Variants in FRMD6 observed in about 807,000 individuals in gnomAD.
The protein encoded by FRMD6 is FERM domain-containing protein 6.
Under a neutral mutation model 73.2 loss-of-function variants are expected in FRMD6, and 37 were observed. That is an observed-to-expected ratio of 0.51 (90% CI 0.39 to 0.66). The LOEUF (loss-of-function observed/expected upper bound fraction) is 0.66, where lower values mean the gene tolerates loss of function less well. Ranked by LOEUF, FRMD6 falls within the 30% of genes least tolerant of loss-of-function variation. The pLI is 0.00. For synonymous variants in FRMD6, 273 were observed against 282.2 expected, an observed-to-expected ratio of 0.97 and a Z score of 0.33; for missense variants, 714 against 780.5, an observed-to-expected ratio of 0.91 and a Z score of 1.02.
intron 2 of FRMD6, chr14:51,576,331 G>C (rs1321837203): frequency 6.6e-6 from 1 of 152,188 alleles, no homozygotes; most frequent in Non-Finnish European, 1.5e-5. Flanking sequence ...CAGGCCAGGG[G>C]ATCTGATGGG....
At chr14:51,635,343 T>TA (rs1271886306) in intron 2 of FRMD6, among the ~76,000 whole-genome samples, 21 of 152,212 alleles carry the variant, frequency 1.4e-4, no homozygotes, top group Admixed American at 6.5e-4. Flanking sequence ...TGCAGTAAGC[T>TA]ATGATTGTGG....
chr14:51,708,172 A>T lies in FRMD6; in HGVS notation c.653A>T (p.Lys218Ile). ...FALTASEAHL[K>I]YIKEAVRLDD... ...CTAACAGCTTCCGAAGCTCATCTTA[A>T]ATATATCAAAGAGGCTGTCCGACTG... The change falls in exon 7 of 14, where the codon AAA (lysine) becomes ATA (isoleucine). Residue 218 changes from lysine (K) to isoleucine (I), a missense_variant. Transcript: ENST00000344768. 3.7e-6 allele frequency: 6 copies of T among 1,613,294 alleles called. No homozygotes were observed. Among genetic ancestry groups the T allele is most frequent in the Non-Finnish European group, 5.1e-6 (6 of 1,179,492 alleles).
chr14:51,441,518 T>C, the FRMD6 span, among the ~76,000 whole-genome samples: 1 of 152,222 alleles, frequency 6.6e-6, no homozygotes, highest in African/African-American at 2.4e-5. Context: ...TCCATTCTTT[T>C]AAACTTTTAT....
At chr14:51,440,350 A>G in the FRMD6 span, among the ~76,000 whole-genome samples, 1 of 152,344 alleles carries the variant, frequency 6.6e-6, no homozygotes, top group East Asian at 1.9e-4. Context: ...TCAAATTTTC[A>G]ATGATCCAGA....
intron 1 of FRMD6, 79 bp from the exon 2 acceptor site, chr14:51,689,612 G>A (rs1895402377): frequency 3.7e-6 from 2 of 545,884 alleles, no homozygotes; most frequent in African/African-American, 3.8e-5. Flanking sequence ...TAGTAGTGGT[G>A]CTGTGCTTAT....
At chr14:51,573,250 G>A (rs141045908) in intron 2 of FRMD6, among the ~76,000 whole-genome samples, 10 of 152,146 alleles carry the variant, frequency 6.6e-5, no homozygotes, top group African/African-American at 2.2e-4. Flanking sequence ...GCCCTTGCTG[G>A]GTCCCATAAC....
chr14:51,664,000 A>G (rs1038074195), intron 1 of FRMD6, among the ~76,000 whole-genome samples: 1 of 152,206 alleles, frequency 6.6e-6, no homozygotes, highest in Non-Finnish European at 1.5e-5. Flanking sequence ...TCCCAATGCT[A>G]TTGCATCGGG....
the FRMD6 span, among the ~76,000 whole-genome samples, chr14:51,400,054 G>T: frequency 6.6e-6 from 1 of 151,900 alleles, no homozygotes; most frequent in African/African-American, 2.4e-5. Context: ...ATACATTGTG[G>T]AATGATCAAA....
chr14:51,449,218 G>C, the FRMD6 span, among the ~76,000 whole-genome samples: 917 of 152,276 alleles, frequency 6.0e-3, 4 homozygotes, highest in African/African-American at 0.021. Flanking sequence ...GAGTGTTTTT[G>C]GCAAGAGGGA....
chr14:51,447,476 T>A, the FRMD6 span, among the ~76,000 whole-genome samples: 1 of 152,168 alleles, frequency 6.6e-6, no homozygotes, highest in South Asian at 2.1e-4. Flanking sequence ...GGCATTCTAT[T>A]GCCTGAACAT....
At chr14:51,451,646 G>A in the FRMD6 span, among the ~76,000 whole-genome samples, 1 of 152,192 alleles carries the variant, frequency 6.6e-6, no homozygotes, top group African/African-American at 2.4e-5. Flanking sequence ...CTCCCAAAGT[G>A]CTGGAGTTAC....
At chr14:51,415,892 G>A in the FRMD6 span, among the ~76,000 whole-genome samples, 1 of 152,178 alleles carries the variant, frequency 6.6e-6, no homozygotes, top group African/African-American at 2.4e-5. Flanking sequence ...GAGAGTGTAC[G>A]TGTCTAGGAA....
intron 1 of FRMD6, among the ~76,000 whole-genome samples, chr14:51,673,816 GC>G (rs1894188868): frequency 6.6e-6 from 1 of 152,216 alleles, no homozygotes; most frequent in South Asian, 2.1e-4. Flanking sequence ...GTAATCACTT[GC>G]CAGTGGAAGT....
chr14:51,553,949 C>T (rs1886979256), intron 1 of FRMD6, among the ~76,000 whole-genome samples: 1 of 151,904 alleles, frequency 6.6e-6, no homozygotes, highest in African/African-American at 2.4e-5. Flanking sequence ...TACTTGGTGC[C>T]CAGGTGTTGA....
At position 51,611,711 on chromosome 14, in the gene FRMD6, A is replaced by G. The variant is rs145670589; in HGVS notation, c.-147+41301A>G. Among the ~76,000 whole-genome samples, 105 of 152,326 alleles carry G rather than the reference A, an allele frequency of 6.9e-4. 1 individual carries two copies. The highest frequency in any genetic ancestry group is 9.4e-4 in the Non-Finnish European group (64 of 68,028). ...GTCAGTCTGGGGCTCACACTTGGAT[A>G]CGCATAGCACTAGAGATCTAAGGTC... On this transcript the variant is annotated intron_variant, in intron 2 of 14. Transcript: ENST00000356218.
intron 2 of FRMD6, among the ~76,000 whole-genome samples, chr14:51,697,143 TC>T (rs903467173): frequency 1.3e-4 from 20 of 152,124 alleles, no homozygotes. Flanking sequence ...TACCATATGA[TC>T]CTGGAACCCC....
chr14:51,716,296 G>A (rs1038270036), intron 10 of FRMD6, among the ~76,000 whole-genome samples: 1 of 141,938 alleles, frequency 7.0e-6, no homozygotes, highest in Non-Finnish European at 1.6e-5. Context: ...ATTTGGGTTT[G>A]TTTTTTTTTT....
chr14:51,551,502 A>G (rs1262596831), intron 1 of FRMD6, among the ~76,000 whole-genome samples: 4 of 152,216 alleles, frequency 2.6e-5, no homozygotes, highest in Non-Finnish European at 5.9e-5. Flanking sequence ...CGGGAGACCA[A>G]GGTGGTCAGA....
chr14:51,602,891 G>A lies in FRMD6; in HGVS notation c.-147+32481G>A, dbSNP rs141855158. Among the ~76,000 whole-genome samples the A allele has an allele frequency of 1.4e-3, 218 of 152,248 alleles. 5 individuals carry two copies. In the East Asian group the frequency reaches 0.036, roughly 25 times the overall value. ...AACTTCATGCTAACCATGTGGTACT[G>A]GTGAAATTATGGTATAGCTATACAA... On this transcript the variant is annotated intron_variant, in intron 2 of 14. Transcript: ENST00000356218.
Sources: allele counts gnomAD v4.1 joint callset (sites outside exome capture counted in the v4.1 genomes callset), GRCh38; gene constraint gnomAD v4.1.1; transcripts MANE v1.5; gene names NCBI Gene and HGNC (gene_info 2026-07-23, HGNC 2026-07-21).